The following DEPDC1 variants were observed in gnomAD, a reference collection of about 807,000 sequenced individuals.
The protein encoded by DEPDC1 is DEP domain-containing protein 1A.
A neutral mutation model predicts 86.8 loss-of-function variants in DEPDC1; 66 were observed. The observed-to-expected ratio is 0.76, with a 90% CI of 0.62 to 0.93. The LOEUF is 0.93. Ranked by LOEUF, DEPDC1 falls within the 40% of genes least tolerant of loss-of-function variation. The pLI, the probability that DEPDC1 is intolerant of heterozygous loss-of-function variation, is 0.00. For synonymous variants in DEPDC1, 255 were observed against 314.9 expected, an observed-to-expected ratio of 0.81 and a Z score of 2.02; for missense variants, 792 against 935.7, an observed-to-expected ratio of 0.85 and a Z score of 2.00.
intron 2 of DEPDC1, among the ~76,000 whole-genome samples, chr1:68,492,428 C>A (rs746730392): frequency 6.6e-6 from 1 of 151,882 alleles, no homozygotes; most frequent in South Asian, 2.1e-4. Flanking sequence ...TAGGAGAGGC[C>A]GGGCGTGGTG....
chr1:68,496,423 A>G lies in DEPDC1; in HGVS notation c.48+529T>C, dbSNP rs943171223. Reference sequence around the variant, plus strand: ...CAGGGACCACCAGCAGTGGTTACTGATGGGTACTCAGAAATACCGTTTTGA... The same window carrying G: ...CAGGGACCACCAGCAGTGGTTACTGGTGGGTACTCAGAAATACCGTTTTGA... On this transcript the variant is annotated intron_variant, in intron 1 of 11. Transcript: ENST00000456315. The surrounding 1 kb of genome is among the most constrained non-coding windows in gnomAD (Gnocchi z 4.0). 6.6e-6 allele frequency among the ~76,000 whole-genome samples: 1 copy of G among 152,206 alleles called. No homozygotes were observed. Among genetic ancestry groups the G allele is most frequent in the African/African-American group, 2.4e-5 (1 of 41,440 alleles).
intron 10 of DEPDC1, among the ~76,000 whole-genome samples, chr1:68,478,869 G>C (rs188465306): frequency 6.6e-6 from 1 of 152,056 alleles, no homozygotes; most frequent in East Asian, 1.9e-4. Flanking sequence ...CCTTTGAATT[G>C]CAAATGTAAG....
Position 68,496,489 on chromosome 1 carries a change from C to A in DEPDC1, c.48+463G>T, listed in dbSNP as rs892430317. Among the ~76,000 whole-genome samples, 2 of 152,194 alleles carry A rather than the reference C, an allele frequency of 1.3e-5. No individual in the cohort carries two copies. The highest frequency in any genetic ancestry group is 4.8e-5 in the African/African-American group (2 of 41,448). On this transcript the variant is annotated intron_variant, in intron 1 of 11. Coordinates refer to ENST00000456315, the MANE Select transcript of DEPDC1 (RefSeq NM_001114120.3). The surrounding 1 kb of genome is among the most constrained non-coding windows in gnomAD (Gnocchi z 4.0). ...TCCTAGTGCTATTCGGCCGATACAT[C>A]CTGCGTTAAATTCTATGGGTTCAAT...
intron 7 of DEPDC1, chr1:68,483,566 T>G (rs926153426): frequency 4.6e-5 from 14 of 304,432 alleles, no homozygotes; most frequent in African/African-American, 3.1e-4. Flanking sequence ...AACACATGGA[T>G]GTGCTGGGAT....
intron 2 of DEPDC1, among the ~76,000 whole-genome samples, chr1:68,490,180 C>A (rs1466453083): frequency 2.0e-5 from 3 of 152,042 alleles, no homozygotes; most frequent in African/African-American, 7.2e-5. Context: ...CATAAGTAAA[C>A]TTGTGTTGTG....
At chr1:68,488,886 G>T in intron 4 of DEPDC1, 30 bp downstream of exon 4, 2 of 1,262,042 alleles carry the variant, frequency 1.6e-6, no homozygotes, top group South Asian at 1.2e-5. Flanking sequence ...AACACATCAG[G>T]AACTTCATTA....
intron 6 of DEPDC1, among the ~76,000 whole-genome samples, chr1:68,485,286 CAG>C (rs1019322275): frequency 1.3e-5 from 2 of 151,710 alleles, no homozygotes; most frequent in Non-Finnish European, 2.9e-5. Context: ...TTCTCTAAGA[CAG>C]AAAATACATG....
In DEPDC1 at chr1:68,479,102, C is replaced by T. The variant is rs200111492; in HGVS notation, c.2112+42G>A. The T allele has an allele frequency of 1.4e-3, 2,150 of 1,532,190 alleles. 3 individuals carry two copies. Among genetic ancestry groups the T allele is most frequent in the Non-Finnish European group, 1.8e-3 (1,985 of 1,133,786 alleles). The allele number at this position is 1,532,190 out of a possible 1,614,324, so 94.9% of individuals were successfully genotyped here. On this transcript the variant is annotated intron_variant, in intron 10 of 11. Transcript: ENST00000456315. ...TATTTTGAGATGAGTTTGCCACTTG[C>T]AACTGACTATTGCAGAGAATTTTAA...
intron 1 of DEPDC1, among the ~76,000 whole-genome samples, chr1:68,495,617 A>G (rs1039785990): frequency 1.3e-5 from 2 of 152,200 alleles, no homozygotes; most frequent in African/African-American, 2.4e-5. Context: ...GGGACTCTGT[A>G]CTAAGGGAGA....
At chr1:68,492,773 G>A (rs1413517817) in intron 2 of DEPDC1, among the ~76,000 whole-genome samples, 1 of 152,150 alleles carries the variant, frequency 6.6e-6, no homozygotes, top group African/African-American at 2.4e-5. Context: ...GGAGAGAGAT[G>A]TGTACAGATC....
At chr1:68,480,955 G>A (rs1646151146) in intron 9 of DEPDC1, among the ~76,000 whole-genome samples, 1 of 151,848 alleles carries the variant, frequency 6.6e-6, no homozygotes, top group Non-Finnish European at 1.5e-5. Context: ...TTTTCACAAG[G>A]AGCCTAAGGC....
At chr1:68,483,226 A>C (rs779063630) in intron 7 of DEPDC1, 10 of 532,898 alleles carry the variant, frequency 1.9e-5, no homozygotes, top group Non-Finnish European at 3.3e-5. Flanking sequence ...AATATAAGAT[A>C]ATTGTGGTAT....
intron 6 of DEPDC1, among the ~76,000 whole-genome samples, chr1:68,485,039 C>G (rs1557619728): frequency 6.6e-6 from 1 of 151,566 alleles, no homozygotes; most frequent in Non-Finnish European, 1.5e-5. Flanking sequence ...AGCCATTATA[C>G]TATCTTTCAA....
At chr1:68,485,636 G>A (rs745538429) in intron 6 of DEPDC1, among the ~76,000 whole-genome samples, 1 of 152,068 alleles carries the variant, frequency 6.6e-6, no homozygotes, top group African/African-American at 2.4e-5. Context: ...ATCCCTGTCA[G>A]TATGCCTATC....
intron 2 of DEPDC1, among the ~76,000 whole-genome samples, chr1:68,491,214 C>CA (rs937166920): frequency 1.3e-5 from 2 of 152,032 alleles, no homozygotes; most frequent in African/African-American, 4.8e-5. Context: ...AGCTACACAG[C>CA]AAAAGAAAAC....
chr1:68,483,099 G>A (rs1204277454), intron 7 of DEPDC1: 2 of 597,666 alleles, frequency 3.3e-6, no homozygotes, highest in African/African-American at 1.9e-5. Flanking sequence ...ACAGATGAGT[G>A]GTTTTCCCAT....
At chr1:68,490,221 CA>C (rs1474474218) in intron 2 of DEPDC1, among the ~76,000 whole-genome samples, 1 of 151,926 alleles carries the variant, frequency 6.6e-6, no homozygotes, top group African/African-American at 2.4e-5. Flanking sequence ...TTTCATCACC[CA>C]AGTATTTAGT....
chr1:68,494,787 T>C lies in DEPDC1; in HGVS notation c.49-92A>G, dbSNP rs546210722. 8.8e-5 allele frequency: 88 copies of C among 999,588 alleles called. 1 individual carries two copies. The South Asian group carries it at 1.5e-3, about 17-fold the overall frequency. 61.9% of individuals were successfully genotyped at this position (999,588 alleles called of 1,614,324 possible). On this transcript the variant is annotated intron_variant, in intron 1 of 11. Transcript: ENST00000456315. ...ACATTAGGTAAAGAAAATTCTTTAATTCACATCTGATTATATCATAAAAAT... is the reference window on the plus strand; with the variant it reads ...ACATTAGGTAAAGAAAATTCTTTAACTCACATCTGATTATATCATAAAAAT...
At chr1:68,479,384 T>A (rs2100244369) in intron 9 of DEPDC1, 64 bp from the exon 10 acceptor site, 1 of 1,261,494 alleles carries the variant, frequency 7.9e-7, no homozygotes, top group Non-Finnish European at 1.1e-6. Flanking sequence ...AGAATATCGG[T>A]AATTTCCAGG....
Sources: allele counts gnomAD v4.1 joint callset (sites outside exome capture counted in the v4.1 genomes callset), GRCh38; gene constraint gnomAD v4.1.1; non-coding constraint Gnocchi (gnomAD v3.1); transcripts MANE v1.5; gene names NCBI Gene and HGNC (gene_info 2026-07-23, HGNC 2026-07-21).